Variants in TRIQK observed in about 807,000 individuals in gnomAD.
TRIQK encodes triple QxxK/R motif-containing protein.
Under a neutral mutation model 10.8 loss-of-function variants are expected in TRIQK, and 10 were observed. The observed-to-expected ratio is 0.92, with a 90% CI of 0.57 to 1.57. The LOEUF (loss-of-function observed/expected upper bound fraction) is 1.57. Ranked by LOEUF, TRIQK falls within the 40% of genes most tolerant of loss-of-function variation. TRIQK has a pLI of 0.00. For missense variants in TRIQK, 107 were observed against 97.7 expected (o/e 1.09, Z -0.40); for synonymous variants, 33 against 33.7 (o/e 0.98, Z 0.07).
intron 1 of TRIQK, among the ~76,000 whole-genome samples, chr8:92,977,524 G>C (rs1284311353): frequency 6.6e-6 from 1 of 151,818 alleles, no homozygotes; most frequent in East Asian, 1.9e-4. Context: ...AATACCATCT[G>C]TATCTTTCCT....
chr8:92,959,774 T>C (rs1004222381), intron 1 of TRIQK, among the ~76,000 whole-genome samples: 1 of 152,082 alleles, frequency 6.6e-6, no homozygotes, highest in Admixed American at 6.6e-5. Context: ...TACATACCGA[T>C]AAACCCATCA....
At chr8:92,914,101 T>G (rs1809710436) in intron 3 of TRIQK, among the ~76,000 whole-genome samples, 1 of 152,150 alleles carries the variant, frequency 6.6e-6, no homozygotes, top group Non-Finnish European at 1.5e-5. Context: ...ACATGTATCC[T>G]AGAACTTAAG....
At chr8:92,942,416 G>A (rs1811314036) in intron 2 of TRIQK, among the ~76,000 whole-genome samples, 1 of 152,086 alleles carries the variant, frequency 6.6e-6, no homozygotes, top group South Asian at 2.1e-4. Flanking sequence ...AAGGCCATAT[G>A]TGACAAACCC....
chr8:93,003,969 C>A (rs1813241292), intron 1 of TRIQK, among the ~76,000 whole-genome samples: 1 of 152,174 alleles, frequency 6.6e-6, no homozygotes, highest in Non-Finnish European at 1.5e-5. Flanking sequence ...CAGGGTGCAG[C>A]CCCCACAGCT....
In TRIQK at chr8:92,919,174, T is replaced by A. The variant is rs189018083; in HGVS notation, c.-21-2164A>T. Among the ~76,000 whole-genome samples the A allele has an allele frequency of 1.5e-3, 226 of 152,054 alleles. 1 individual carries two copies. The highest frequency in any genetic ancestry group is 6.8e-4 in the Non-Finnish European group (46 of 67,852). On this transcript the variant is annotated intron_variant, in intron 2 of 4. Transcript: ENST00000521988. ...ATAGTGTGATTCTCTGGCTTTTTTC[T>A]TTTTGCTCAGAACTGCTTCAGCTAT...
chr8:92,949,840 AAG>A (rs1811798869), intron 2 of TRIQK, among the ~76,000 whole-genome samples: 1 of 115,996 alleles, frequency 8.6e-6, no homozygotes, highest in South Asian at 3.4e-4. Flanking sequence ...GAAAGAAAGA[AAG>A]GGAGAGAAAA....
Position 92,978,304 on chromosome 8 carries a change from ATT to A in TRIQK, c.-180-23742_-180-23741del, listed in dbSNP as rs565120637. Among the ~76,000 whole-genome samples, 1,018 of 152,122 alleles carry A rather than the reference ATT, an allele frequency of 6.7e-3. 12 individuals are homozygous for A. Among genetic ancestry groups the A allele is most frequent in the African/African-American group, 0.022 (918 of 41,516 alleles). On this transcript the variant is annotated intron_variant, in intron 1 of 4. Transcript: ENST00000520686. ...TCACAGGCATTCATAGCCCTTATGC[ATT>A]TGTTTACTCCCTCTTTGGGATTTTT...
chr8:92,902,474 A>T (rs1808996513), intron 3 of TRIQK, among the ~76,000 whole-genome samples: 1 of 152,166 alleles, frequency 6.6e-6, no homozygotes, highest in Non-Finnish European at 1.5e-5. Flanking sequence ...GGGGTGGTAT[A>T]GGTGACTCAA....
chr8:92,997,499 A>C (rs953543688), intron 1 of TRIQK, among the ~76,000 whole-genome samples: 5 of 152,092 alleles, frequency 3.3e-5, no homozygotes, highest in African/African-American at 1.2e-4. Flanking sequence ...AGTGAACTGC[A>C]CTACGTCATT....
intron 1 of TRIQK, among the ~76,000 whole-genome samples, chr8:92,992,205 C>T (rs980252984): frequency 6.6e-6 from 1 of 152,076 alleles, no homozygotes; most frequent in Non-Finnish European, 1.5e-5. Flanking sequence ...AAACAGGAAA[C>T]TCCTGCCCCC....
chr8:92,977,973 T>G (rs1812950359), intron 1 of TRIQK, among the ~76,000 whole-genome samples: 1 of 152,206 alleles, frequency 6.6e-6, no homozygotes, highest in Non-Finnish European at 1.5e-5. Flanking sequence ...TACAAACTAT[T>G]TCTGACCATG....
At chr8:92,916,740 A>G (rs1051618773) in intron 3 of TRIQK, among the ~76,000 whole-genome samples, 189 bp downstream of exon 3, 4 of 152,054 alleles carry the variant, frequency 2.6e-5, no homozygotes, top group African/African-American at 9.6e-5. Context: ...TCGTAAGTAC[A>G]TGAAGTTCAT....
chr8:92,912,203 A>T (rs1809607298), intron 3 of TRIQK, among the ~76,000 whole-genome samples: 1 of 151,782 alleles, frequency 6.6e-6, no homozygotes, highest in Non-Finnish European at 1.5e-5. Flanking sequence ...CAGATTTAAG[A>T]AGACTGAAAT....
rs140435360 is a variant in TRIQK at position 92,958,500 on chromosome 8, T to TA, written c.-180-3937dup. Among the ~76,000 whole-genome samples, 450 of 152,148 alleles carry TA rather than the reference T, an allele frequency of 3.0e-3. 2 individuals are homozygous for TA. Among genetic ancestry groups the TA allele is most frequent in the Non-Finnish European group, 4.7e-3 (317 of 67,922 alleles). On this transcript the variant is annotated intron_variant, in intron 1 of 4. Coordinates refer to ENST00000521988, the MANE Select transcript of TRIQK (RefSeq NM_001171797.2). Reference sequence around the variant, plus strand: ...ATTTCTTATTATAATATTGAGATATTACCTGATTTTCATCTTTGGAAATAA... The same window carrying TA: ...ATTTCTTATTATAATATTGAGATATTAACCTGATTTTCATCTTTGGAAATAA...
At chr8:92,901,519 C>T (rs996523840) in intron 3 of TRIQK, among the ~76,000 whole-genome samples, 10 of 151,870 alleles carry the variant, frequency 6.6e-5, no homozygotes, top group Admixed American at 4.6e-4. Flanking sequence ...GGTTTTTGTC[C>T]TTCATTCTAT....
intron 1 of TRIQK, among the ~76,000 whole-genome samples, chr8:92,956,802 T>C (rs910237705): frequency 1.3e-4 from 19 of 151,836 alleles, no homozygotes; most frequent in Non-Finnish European, 2.5e-4. Flanking sequence ...ATTAAGTTTG[T>C]AAAAAACTTG....
chr8:92,906,690 A>C (rs1809275762), intron 3 of TRIQK, among the ~76,000 whole-genome samples: 1 of 151,002 alleles, frequency 6.6e-6, no homozygotes, highest in African/African-American at 2.4e-5. Flanking sequence ...AATAAAGGGA[A>C]GACTGCTAAC....
intron 2 of TRIQK, among the ~76,000 whole-genome samples, chr8:92,919,591 T>G (rs1200584513): frequency 6.6e-6 from 1 of 151,842 alleles, no homozygotes; most frequent in African/African-American, 2.4e-5. Flanking sequence ...TATTACCTTG[T>G]AGTATTCCTT....
chr8:92,997,618 A>C (rs888144134), intron 1 of TRIQK, among the ~76,000 whole-genome samples: 9 of 152,092 alleles, frequency 5.9e-5, no homozygotes, highest in African/African-American at 2.2e-4. Flanking sequence ...TTGATGTTGT[A>C]AGCTCTAGTG....
Sources: gnomAD v4.1 joint callset for allele counts (sites outside exome capture counted in the v4.1 genomes callset) on GRCh38, gnomAD v4.1.1 for gene constraint, MANE v1.5 for transcripts, NCBI Gene and HGNC (gene_info 2026-07-23, HGNC 2026-07-21) for gene names.